The following MCF2L2 variants were observed in gnomAD, a reference collection of about 807,000 sequenced individuals.
The protein encoded by MCF2L2 is MCF.2 cell line derived transforming sequence-like 2.
MCF2L2 carries 102 observed loss-of-function variants against 150.2 expected under a neutral mutation model. The observed-to-expected ratio is 0.68, with a 90% CI of 0.58 to 0.80. The LOEUF (loss-of-function observed/expected upper bound fraction) is 0.80. MCF2L2 is among the 30% of genes least tolerant of loss of function. The pLI, the probability that MCF2L2 is intolerant of heterozygous loss-of-function variation, is 0.00. For synonymous variants in MCF2L2, 465 were observed against 491.3 expected (o/e 0.95, Z 0.71); for missense variants, 1,256 against 1,372.8 (o/e 0.91, Z 1.34).
At chr3:183,352,290 A>G (rs1711528010) in intron 3 of MCF2L2, among the ~76,000 whole-genome samples, 1 of 152,202 alleles carries the variant, frequency 6.6e-6, no homozygotes, top group Non-Finnish European at 1.5e-5. Context: ...TGGGAGGCTG[A>G]GGCGGGCAGA....
chr3:183,408,197 G>T (rs181382359), intron 1 of MCF2L2, among the ~76,000 whole-genome samples: 1 of 152,272 alleles, frequency 6.6e-6, no homozygotes, highest in African/African-American at 2.4e-5. Context: ...CAAAAGAAAG[G>T]CAGCCACTGT....
chr3:183,388,789 G>A (rs1577114744), intron 2 of MCF2L2, among the ~76,000 whole-genome samples: 2 of 152,288 alleles, frequency 1.3e-5, no homozygotes, highest in South Asian at 4.1e-4. Context: ...AACTGAGTTC[G>A]CATCTCCTTC....
At chr3:183,199,743 T>C (rs1227130932) in intron 25 of MCF2L2, among the ~76,000 whole-genome samples, 1 of 151,824 alleles carries the variant, frequency 6.6e-6, no homozygotes, top group Non-Finnish European at 1.5e-5. Context: ...ATTTGCATTA[T>C]GTATATCCCC....
At chr3:183,361,482 T>G (rs1291038751) in intron 3 of MCF2L2, among the ~76,000 whole-genome samples, 2 of 152,176 alleles carry the variant, frequency 1.3e-5, no homozygotes, top group East Asian at 3.9e-4. Flanking sequence ...TCATGAGATC[T>G]GATGGTTTAA....
chr3:183,427,879 G>A, intron 1 of MCF2L2, 23 bp downstream of exon 1: 2 of 1,610,152 alleles, frequency 1.2e-6, no homozygotes, highest in South Asian at 2.2e-5. Context: ...ATAAAACGCA[G>A]GAAAAATTAA....
chr3:183,271,140 G>A (rs1726740157), intron 15 of MCF2L2: 4 of 453,422 alleles, frequency 8.8e-6, no homozygotes, highest in Non-Finnish European at 1.5e-5. Flanking sequence ...CAAAGAATTT[G>A]TATTTAGAAA....
intron 25 of MCF2L2, among the ~76,000 whole-genome samples, chr3:183,200,393 T>C (rs1159752621): frequency 1.2e-4 from 19 of 152,264 alleles, no homozygotes; most frequent in Admixed American, 1.2e-3. Context: ...TGAGCATTTT[T>C]TCATGTGTCT....
chr3:183,428,046 T>G lies in MCF2L2; in HGVS notation c.-69A>C. ...GTTTCTACCGCTGCGGTGGATGATTTTTTAAAGGCATCTCCGCCCAAGGAT... is the reference window on the plus strand; with the variant it reads ...GTTTCTACCGCTGCGGTGGATGATTGTTTAAAGGCATCTCCGCCCAAGGAT... On this transcript the variant is annotated 5_prime_UTR_variant, in exon 1 of 30. Coordinates refer to ENST00000328913, the MANE Select transcript of MCF2L2 (RefSeq NM_015078.4). The surrounding 1 kb of genome is among the most constrained non-coding windows in gnomAD (Gnocchi z 5.1). The G allele has an allele frequency of 8.2e-7, 1 of 1,224,122 alleles. No individual in the cohort carries two copies. Among genetic ancestry groups the G allele is most frequent in the Non-Finnish European group, 1.2e-6 (1 of 826,572 alleles). 75.8% of individuals were successfully genotyped at this position (1,224,122 alleles called of 1,614,324 possible).
intron 15 of MCF2L2, among the ~76,000 whole-genome samples, chr3:183,256,008 A>G (rs1441200717): frequency 1.3e-5 from 2 of 152,214 alleles, no homozygotes; most frequent in East Asian, 3.8e-4. Context: ...TTCAGAACAC[A>G]GGAGGTATCA....
intron 5 of MCF2L2, among the ~76,000 whole-genome samples, chr3:183,324,469 T>C (rs1729943235): frequency 6.6e-6 from 1 of 152,210 alleles, no homozygotes; most frequent in African/African-American, 2.4e-5. Context: ...TCCCTGTTGA[T>C]TATTTTGAAA....
At chr3:183,300,329 T>A (rs1266660450) in intron 10 of MCF2L2, 133 bp from the exon 11 acceptor site, 1 of 799,224 alleles carries the variant, frequency 1.3e-6, no homozygotes, top group African/African-American at 1.8e-5. Context: ...CTGGAGAACC[T>A]GAGAAAGCTC....
rs535643817 is a variant in MCF2L2, at chr3:183,224,103, A to G, written c.2203T>C (p.Phe735Leu). Residue 735 changes from phenylalanine to leucine, a missense_variant, in exon 19 of 30, where the codon TTT becomes CTT. Physicochemically the swap from Phe to Leu is conservative, Grantham distance 22. Transcript: ENST00000328913. Reference protein sequence around the residue: ...IWQECQDCAYFGVCQRQLDHN... With the variant: ...IWQECQDCAYLGVCQRQLDHN... ...GTTTGTCTTCTCAACATTACCCCAA[A>G]GTAGGCGCAGTCTTGACACTCTTGC... The G allele has an allele frequency of 6.2e-7, 1 of 1,613,280 alleles. No homozygotes were observed. Among genetic ancestry groups the G allele is most frequent in the African/African-American group, 1.3e-5 (1 of 75,024 alleles).
chr3:183,247,886 AATT>A (rs1400452819), intron 15 of MCF2L2, among the ~76,000 whole-genome samples: 1 of 152,184 alleles, frequency 6.6e-6, no homozygotes, highest in Non-Finnish European at 1.5e-5. Flanking sequence ...TCCTGGAACC[AATT>A]CCCCATGGAT....
intron 1 of MCF2L2, among the ~76,000 whole-genome samples, chr3:183,396,940 T>C (rs531905879): frequency 5.1e-4 from 77 of 152,200 alleles, no homozygotes; most frequent in African/African-American, 1.7e-3. Flanking sequence ...AGAAACTGAA[T>C]CATCCCCAGG....
chr3:183,329,375 C>T (rs752689331), intron 5 of MCF2L2, among the ~76,000 whole-genome samples: 3 of 152,038 alleles, frequency 2.0e-5, no homozygotes, highest in African/African-American at 7.2e-5. Context: ...TTAGTAGAGA[C>T]GGGGTTTCAC....
At chr3:183,415,661 A>T (rs1349651781) in intron 1 of MCF2L2, among the ~76,000 whole-genome samples, 2 of 152,172 alleles carry the variant, frequency 1.3e-5, no homozygotes, top group Non-Finnish European at 2.9e-5. Flanking sequence ...AGTCTACTGT[A>T]TCTGATATTA....
rs1577052728 is a variant in MCF2L2 at position 183,309,869 on chromosome 3, C to T, written c.994-34G>A. 8 of 1,610,486 alleles carry T rather than the reference C, an allele frequency of 5.0e-6. No individual in the cohort carries two copies. The South Asian group carries it at 8.8e-5, about 18-fold the overall frequency. ...AACATTAGAACAGTCCAGAAGTAAA[C>T]CAACACTCACTCACCTGAAGGTATA... On this transcript the variant is annotated intron_variant, in intron 9 of 29. Transcript: ENST00000328913.
chr3:183,272,640 T>C (rs2108451113), intron 15 of MCF2L2: 3 of 1,001,182 alleles, frequency 3.0e-6, no homozygotes, highest in Non-Finnish European at 3.6e-6. Context: ...TCAGAGTAGA[T>C]ACAGGGTTTT....
intron 3 of MCF2L2, among the ~76,000 whole-genome samples, chr3:183,344,118 C>A (rs991152974): frequency 3.3e-5 from 5 of 150,960 alleles, no homozygotes; most frequent in East Asian, 3.9e-4. Context: ...GGCTCAAAAC[C>A]AAAACAAAAA....
Sources: allele counts gnomAD v4.1 joint callset (sites outside exome capture counted in the v4.1 genomes callset), GRCh38; gene constraint gnomAD v4.1.1; non-coding constraint Gnocchi (gnomAD v3.1); transcripts MANE v1.5; gene names NCBI Gene and HGNC (gene_info 2026-07-23, HGNC 2026-07-21).